The following LRRTM4 variants were observed in gnomAD, a reference collection of about 807,000 sequenced individuals.
The protein encoded by LRRTM4 is leucine-rich repeat transmembrane neuronal protein 4.
In LRRTM4, 25 loss-of-function variants were observed where a neutral mutation model predicts 47.6. The observed-to-expected ratio is 0.53, with a 90% CI of 0.38 to 0.73. LRRTM4 has a LOEUF of 0.73. LRRTM4 is among the 30% of genes least tolerant of loss of function. The probability of loss-of-function intolerance (pLI) is 0.00; values close to 1 mark genes in which losing one functional copy is unlikely to be tolerated. For synonymous variants in LRRTM4, 311 were observed against 269.5 expected (o/e 1.15, Z -1.51); for missense variants, 638 against 713.4 (o/e 0.89, Z 1.20).
At chr2:76,811,274 G>A (rs1301200906) in intron 3 of LRRTM4, among the ~76,000 whole-genome samples, 1 of 152,182 alleles carries the variant, frequency 6.6e-6, no homozygotes, top group Non-Finnish European at 1.5e-5. Context: ...AATCTTAGCA[G>A]AGAAAAAATA....
At chr2:77,505,556 A>G (rs565679930) in intron 3 of LRRTM4, among the ~76,000 whole-genome samples, 1 of 151,688 alleles carries the variant, frequency 6.6e-6, no homozygotes, top group Admixed American at 6.6e-5. Flanking sequence ...ATTTAATGGT[A>G]TTCTAGAAGA....
At chr2:76,836,006 C>G (rs987807805) in intron 3 of LRRTM4, among the ~76,000 whole-genome samples, 1 of 151,484 alleles carries the variant, frequency 6.6e-6, no homozygotes, top group Non-Finnish European at 1.5e-5. Context: ...TCTTTTTTCC[C>G]TTGGTACTAA....
intron 3 of LRRTM4, among the ~76,000 whole-genome samples, chr2:76,971,598 G>A (rs1035643551): frequency 6.6e-6 from 1 of 152,018 alleles, no homozygotes; most frequent in African/African-American, 2.4e-5. Flanking sequence ...ATATATATCT[G>A]GATGGTGTCT....
intron 3 of LRRTM4, among the ~76,000 whole-genome samples, chr2:76,816,492 C>T (rs1373636067): frequency 6.6e-6 from 1 of 151,974 alleles, no homozygotes; most frequent in Admixed American, 6.6e-5. Context: ...GATATTCACA[C>T]CTATCATTTA....
At chr2:76,854,547 AC>A (rs1174100530) in intron 3 of LRRTM4, among the ~76,000 whole-genome samples, 1 of 152,142 alleles carries the variant, frequency 6.6e-6, no homozygotes, top group African/African-American at 2.4e-5. Context: ...AAACAAACAA[AC>A]AAAAATCCTG....
intron 3 of LRRTM4, among the ~76,000 whole-genome samples, chr2:77,078,063 G>C (rs982791593): frequency 6.6e-6 from 1 of 152,060 alleles, no homozygotes; most frequent in African/African-American, 2.4e-5. Context: ...TGACACAGTT[G>C]ATCTACTCTT....
intron 3 of LRRTM4, among the ~76,000 whole-genome samples, chr2:76,883,665 C>T (rs1321527071): frequency 6.6e-6 from 1 of 152,090 alleles, no homozygotes; most frequent in African/African-American, 2.4e-5. Flanking sequence ...CTGTTTCTCG[C>T]AAATCCCCAT....
At chr2:77,004,722 C>A (rs1327069613) in intron 3 of LRRTM4, among the ~76,000 whole-genome samples, 1 of 152,114 alleles carries the variant, frequency 6.6e-6, no homozygotes, top group Non-Finnish European at 1.5e-5. Context: ...CCTGGAAAAG[C>A]CACAGACACT....
intron 3 of LRRTM4, among the ~76,000 whole-genome samples, chr2:77,475,968 A>T (rs1323602331): frequency 1.3e-5 from 2 of 151,964 alleles, no homozygotes; most frequent in Admixed American, 1.3e-4. Context: ...TAAAATAACT[A>T]TATTATTTCA....
intron 3 of LRRTM4, among the ~76,000 whole-genome samples, chr2:77,102,376 C>G (rs1048715795): frequency 6.6e-6 from 1 of 152,174 alleles, no homozygotes; most frequent in South Asian, 2.1e-4. Context: ...ATTCCCACTT[C>G]GGCTGCTTCC....
intron 3 of LRRTM4, among the ~76,000 whole-genome samples, chr2:77,158,098 A>G (rs1009083792): frequency 3.3e-5 from 5 of 152,206 alleles, no homozygotes; most frequent in Non-Finnish European, 7.3e-5. Context: ...AAATGTCAGA[A>G]TAGTGATTAC....
At chr2:77,174,753 G>C (rs1673145887) in intron 3 of LRRTM4, among the ~76,000 whole-genome samples, 1 of 151,980 alleles carries the variant, frequency 6.6e-6, no homozygotes, top group Non-Finnish European at 1.5e-5. Context: ...CCATTAACTT[G>C]TCATTTAACA....
chr2:77,220,941 A>C (rs890564708), intron 3 of LRRTM4, among the ~76,000 whole-genome samples: 38 of 152,342 alleles, frequency 2.5e-4, no homozygotes, highest in African/African-American at 6.7e-4. Context: ...AAAAATGTTA[A>C]GGGCAGCCAG....
At chr2:77,213,122 G>A (rs1346901364) in intron 3 of LRRTM4, among the ~76,000 whole-genome samples, 2 of 152,268 alleles carry the variant, frequency 1.3e-5, no homozygotes, top group South Asian at 2.1e-4. Flanking sequence ...AACCGTAAAT[G>A]TTACCAGGAA....
At chr2:76,931,946 C>G (rs924057762) in intron 3 of LRRTM4, among the ~76,000 whole-genome samples, 1 of 152,042 alleles carries the variant, frequency 6.6e-6, no homozygotes, top group Admixed American at 6.6e-5. Flanking sequence ...AGGGAGGTTA[C>G]TAAGTAAAAA....
At chr2:76,753,289 C>T (rs1036255796) in intron 3 of LRRTM4, among the ~76,000 whole-genome samples, 2 of 152,102 alleles carry the variant, frequency 1.3e-5, no homozygotes, top group Admixed American at 1.3e-4. Context: ...TTCCCTGATA[C>T]TGAACAAAGA....
intron 3 of LRRTM4, among the ~76,000 whole-genome samples, chr2:76,949,776 A>G (rs1396750598): frequency 6.6e-6 from 1 of 151,980 alleles, no homozygotes; most frequent in Non-Finnish European, 1.5e-5. Context: ...TTTAAATCAC[A>G]TTATTGATTT....
intron 3 of LRRTM4, among the ~76,000 whole-genome samples, chr2:77,090,489 T>C (rs1670576851): frequency 6.6e-6 from 1 of 152,172 alleles, no homozygotes; most frequent in Admixed American, 6.5e-5. Context: ...CAGGATTTAA[T>C]TAACCTCGCC....
intron 3 of LRRTM4, among the ~76,000 whole-genome samples, chr2:76,888,376 T>C (rs1240225388): frequency 6.6e-6 from 1 of 151,480 alleles, no homozygotes. Context: ...AGAATACATA[T>C]TGTATTCTTT....
Sources: allele counts gnomAD v4.1 joint callset (sites outside exome capture counted in the v4.1 genomes callset), GRCh38; gene constraint gnomAD v4.1.1; transcripts MANE v1.5; gene names NCBI Gene and HGNC (gene_info 2026-07-23, HGNC 2026-07-21).